Variants in FTO observed in about 807,000 individuals in gnomAD.
FTO encodes the protein FTO alpha-ketoglutarate dependent dioxygenase, also known as alpha-ketoglutarate-dependent dioxygenase FTO.
A neutral mutation model predicts 63.9 loss-of-function variants in FTO; 47 were observed. The observed-to-expected ratio is 0.74, with a 90% CI of 0.58 to 0.94. The LOEUF is 0.94. Among genes scored for constraint, FTO ranks in the 40% least tolerant of loss-of-function variants. The pLI is 0.00. For missense variants in FTO, 562 were observed against 618.1 expected (o/e 0.91, Z 0.96); for synonymous variants, 207 against 224.4 (o/e 0.92, Z 0.69).
chr16:54,101,197 G>A (rs765984098), intron 8 of FTO, among the ~76,000 whole-genome samples: 7 of 151,810 alleles, frequency 4.6e-5, no homozygotes, highest in Non-Finnish European at 1.0e-4. Context: ...CATGTGTCAC[G>A]GAAGTTTGAG....
chr16:53,899,214 T>C (rs1031365313), intron 7 of FTO, among the ~76,000 whole-genome samples: 6 of 141,544 alleles, frequency 4.2e-5, no homozygotes, highest in African/African-American at 1.5e-4. Context: ...AAACAACTTA[T>C]GCAAATATGG....
At chr16:54,105,760 C>T (rs2086735316) in intron 8 of FTO, among the ~76,000 whole-genome samples, 1 of 148,214 alleles carries the variant, frequency 6.7e-6, no homozygotes, top group African/African-American at 2.5e-5. Flanking sequence ...ATTTCTCCAT[C>T]AAGTTCTAGT....
intron 3 of FTO, among the ~76,000 whole-genome samples, chr16:53,838,451 C>T (rs1039643334): frequency 2.6e-5 from 4 of 151,908 alleles, no homozygotes; most frequent in African/African-American, 9.7e-5. Flanking sequence ...GCTGGGATTA[C>T]AGGCATGTGC....
chr16:53,997,574 G>T (rs2143963326), intron 8 of FTO, among the ~76,000 whole-genome samples: 1 of 151,562 alleles, frequency 6.6e-6, no homozygotes, highest in Admixed American at 6.6e-5. Context: ...AAGGGGCGGG[G>T]CGGGGTGGGA....
intron 1 of FTO, among the ~76,000 whole-genome samples, chr16:53,746,599 A>C (rs1417073073): frequency 6.6e-6 from 1 of 152,140 alleles, no homozygotes; most frequent in African/African-American, 2.4e-5. Context: ...TCATAGTTGT[A>C]AATATTATGG....
At chr16:53,785,909 A>G (rs1455840215) in intron 1 of FTO, among the ~76,000 whole-genome samples, 1 of 137,452 alleles carries the variant, frequency 7.3e-6, no homozygotes, top group Non-Finnish European at 1.7e-5. Context: ...ACTCCATCTC[A>G]AAAAGAAAAA....
chr16:53,792,132 A>G (rs1480388723), intron 1 of FTO, among the ~76,000 whole-genome samples: 2 of 152,202 alleles, frequency 1.3e-5, no homozygotes, highest in South Asian at 4.1e-4. Context: ...TTGACTTTCC[A>G]GAATCTTGAG....
At chr16:53,940,165 A>C (rs1390142856) in intron 8 of FTO, among the ~76,000 whole-genome samples, 3 of 150,834 alleles carry the variant, frequency 2.0e-5, no homozygotes, top group African/African-American at 7.3e-5. Flanking sequence ...TGTTATTTTC[A>C]TTTTTTTGGA....
intron 1 of FTO, among the ~76,000 whole-genome samples, chr16:53,760,313 T>A (rs908604225): frequency 6.7e-6 from 1 of 150,196 alleles, no homozygotes; most frequent in African/African-American, 2.5e-5. Context: ...AGTGGTGCGA[T>A]CTTGGGTCAC....
chr16:53,966,917 G>A (rs1599108533), intron 8 of FTO, among the ~76,000 whole-genome samples: 2 of 152,142 alleles, frequency 1.3e-5, no homozygotes, highest in African/African-American at 4.8e-5. Context: ...GTTGCATGCT[G>A]TTCTTCTGTA....
intron 8 of FTO, chr16:54,052,451 C>T (rs1599278776): frequency 6.6e-6 from 1 of 152,182 alleles, no homozygotes; most frequent in South Asian, 2.1e-4. Flanking sequence ...CTGTCACATC[C>T]TCTGATCTCG....
At position 53,817,375 on chromosome 16, in the gene FTO, C is replaced by T. The variant is rs116612758; in HGVS notation, c.123+7158C>T. On this transcript the variant is annotated intron_variant, in intron 2 of 8. Coordinates refer to ENST00000471389, the MANE Select transcript of FTO (RefSeq NM_001080432.3). ...GACGAGTGTTTAGCCCGTTAGTCAT[C>T]GGATGGCTGCCAAGTCGCAAGCATT... Among the ~76,000 whole-genome samples, 845 of 152,164 alleles carry T rather than the reference C, an allele frequency of 5.6e-3. 7 individuals are homozygous for T. Among genetic ancestry groups the T allele is most frequent in the African/African-American group, 0.019 (808 of 41,510 alleles).
chr16:53,832,374 G>T (rs1272915281), intron 3 of FTO, among the ~76,000 whole-genome samples: 2 of 152,080 alleles, frequency 1.3e-5, no homozygotes, highest in African/African-American at 4.8e-5. Context: ...AAGTTTCCTT[G>T]TGCCCCTTTG....
rs144791102 is a variant in FTO at position 53,715,180 on chromosome 16, C to G, written c.45+10951C>G. 5.9e-3 allele frequency among the ~76,000 whole-genome samples: 896 copies of G among 152,288 alleles called. 19 individuals are homozygous for G. The highest frequency in any genetic ancestry group is 0.053 in the Admixed American group (803 of 15,294). ...AAGGCTTTGCCCTGAAAATGGTTGGCTTTTCCCTTGCAACACTGAGTGCTT... is the reference window on the plus strand; with the variant it reads ...AAGGCTTTGCCCTGAAAATGGTTGGGTTTTCCCTTGCAACACTGAGTGCTT... On this transcript the variant is annotated intron_variant, in intron 1 of 8. Coordinates refer to ENST00000471389, the MANE Select transcript of FTO (RefSeq NM_001080432.3).
At position 53,917,459 on chromosome 16, in the gene FTO, T is replaced by C. The variant is rs73611646; in HGVS notation, c.1240-16526T>C. Among the ~76,000 whole-genome samples the C allele has an allele frequency of 3.2e-3, 487 of 152,306 alleles. 3 individuals carry two copies. Among genetic ancestry groups the C allele is most frequent in the African/African-American group, 0.011 (463 of 41,570 alleles). On this transcript the variant is annotated intron_variant, in intron 7 of 8. Coordinates refer to ENST00000471389, the MANE Select transcript of FTO (RefSeq NM_001080432.3). ...TAAAACCGATTTCACTGAATTGTTATAAGGATTTAAATTGGGGTTACATGA... is the reference window on the plus strand; with the variant it reads ...TAAAACCGATTTCACTGAATTGTTACAAGGATTTAAATTGGGGTTACATGA...
chr16:53,733,726 A>G (rs994722138), intron 1 of FTO, among the ~76,000 whole-genome samples: 30 of 152,340 alleles, frequency 2.0e-4, no homozygotes, highest in Middle Eastern at 3.4e-3. Context: ...TATATGTGAC[A>G]TTTCTAGGTG....
intron 7 of FTO, among the ~76,000 whole-genome samples, chr16:53,903,655 A>G (rs2089063481): frequency 6.6e-6 from 1 of 152,214 alleles, no homozygotes; most frequent in South Asian, 2.1e-4. Context: ...GTTCTTTTAA[A>G]TTACTGTGTA....
intron 3 of FTO, among the ~76,000 whole-genome samples, chr16:53,841,238 A>G (rs909405667): frequency 3.3e-5 from 5 of 151,366 alleles, no homozygotes; most frequent in Non-Finnish European, 7.4e-5. Flanking sequence ...AGCCGCAACC[A>G]GCCAATCAGT....
At chr16:53,886,655 A>C (rs575480299) in intron 6 of FTO, among the ~76,000 whole-genome samples, 1 of 152,238 alleles carries the variant, frequency 6.6e-6, no homozygotes, top group Non-Finnish European at 1.5e-5. Flanking sequence ...AACAACTTTA[A>C]CTGAAATCAG....
Sources: gnomAD v4.1 joint callset for allele counts (sites outside exome capture counted in the v4.1 genomes callset) on GRCh38, gnomAD v4.1.1 for gene constraint, MANE v1.5 for transcripts, NCBI Gene and HGNC (gene_info 2026-07-23, HGNC 2026-07-21) for gene names.